The following APBB2 variants were observed in gnomAD, a reference collection of about 807,000 sequenced individuals.
APBB2 encodes the protein amyloid beta precursor protein binding family B member 2, also known as Fe65-like 1.
APBB2 carries 38 observed loss-of-function variants against 82.5 expected under a neutral mutation model. The observed-to-expected ratio is 0.46, with a 90% confidence interval of 0.36 to 0.60. The LOEUF is 0.60. Ranked by LOEUF, APBB2 falls within the 20% of genes least tolerant of loss-of-function variation. The pLI is 0.00. For synonymous variants in APBB2, 341 were observed against 368.2 expected, an observed-to-expected ratio of 0.93 and a Z score of 0.85; for missense variants, 772 against 972.3, an observed-to-expected ratio of 0.79 and a Z score of 2.74.
chr4:41,001,764 G>T (rs1454951731), intron 6 of APBB2, among the ~76,000 whole-genome samples: 2 of 152,168 alleles, frequency 1.3e-5, no homozygotes, highest in Admixed American at 1.3e-4. Flanking sequence ...TGTAATTCCA[G>T]CTACTGGGGA....
At chr4:40,970,350 C>T (rs1219567637) in intron 6 of APBB2, among the ~76,000 whole-genome samples, 1 of 152,142 alleles carries the variant, frequency 6.6e-6, no homozygotes, top group African/African-American at 2.4e-5. Context: ...GCACTGCACT[C>T]GATGCCCCGT....
chr4:41,147,770 G>A (rs1214814926), intron 1 of APBB2, among the ~76,000 whole-genome samples: 1 of 151,974 alleles, frequency 6.6e-6, no homozygotes, highest in Admixed American at 6.6e-5. Context: ...AATGTCACAG[G>A]GAAGGTCTCT....
chr4:40,920,443 T>C (rs1319362754), intron 10 of APBB2, among the ~76,000 whole-genome samples: 1 of 152,152 alleles, frequency 6.6e-6, no homozygotes, highest in Non-Finnish European at 1.5e-5. Flanking sequence ...TACACAAAAC[T>C]GCATTTTCTC....
intron 10 of APBB2, among the ~76,000 whole-genome samples, chr4:40,911,340 A>C (rs1405610343): frequency 6.6e-6 from 1 of 152,120 alleles, no homozygotes; most frequent in African/African-American, 2.4e-5. Flanking sequence ...CTTATGTTCT[A>C]AGGAATGTTG....
chr4:40,904,202 G>A (rs999604958), intron 10 of APBB2, among the ~76,000 whole-genome samples: 1 of 151,990 alleles, frequency 6.6e-6, no homozygotes, highest in Admixed American at 6.6e-5. Flanking sequence ...AGGCTGAGGC[G>A]GGCAGATCAC....
chr4:40,842,690 C>T (rs1187061422), intron 12 of APBB2, among the ~76,000 whole-genome samples: 1 of 152,204 alleles, frequency 6.6e-6, no homozygotes, highest in Non-Finnish European at 1.5e-5. Context: ...TTGCAGTAAA[C>T]ACTGGCAGAG....
intron 5 of APBB2, among the ~76,000 whole-genome samples, chr4:41,031,688 C>A (rs1283929940): frequency 6.6e-6 from 1 of 152,054 alleles, no homozygotes; most frequent in East Asian, 1.9e-4. Context: ...ATACACTTGC[C>A]AGCTTTATTT....
At chr4:40,934,205 T>G (rs1784865956) in intron 10 of APBB2, among the ~76,000 whole-genome samples, 1 of 152,150 alleles carries the variant, frequency 6.6e-6, no homozygotes, top group Admixed American at 6.5e-5. Context: ...TAATGGTAAT[T>G]TATTACATTG....
chr4:41,187,553 T>C lies in APBB2; in HGVS notation c.-417+26852A>G, dbSNP rs117445951. Among the ~76,000 whole-genome samples the C allele has an allele frequency of 7.2e-3, 1,099 of 152,338 alleles. 13 individuals carry two copies. The highest frequency in any genetic ancestry group is 0.033 in the South Asian group (161 of 4,826). ...CCATCAAGTACAATTCATGTTACCC[T>C]GGACGACTGTTCAGCTCATCAGAGA... is the stretch of plus-strand genomic sequence containing the variant. On this transcript the variant is annotated intron_variant, in intron 1 of 17. Coordinates refer to ENST00000508593, the MANE Select transcript of APBB2 (RefSeq NM_004307.2).
chr4:40,822,061 C>A lies in APBB2; in HGVS notation c.1933-11G>T. On this transcript the variant is annotated splice_polypyrimidine_tract_variant and intron_variant, in intron 16 of 17. Coordinates refer to ENST00000508593, the MANE Select transcript of APBB2 (RefSeq NM_004307.2). ...GACTTCCTCTTCATTCTGCAAGAGA[C>A]ATTATGCGGCATCCAATCAGGAGAT... 1.2e-6 allele frequency: 2 copies of A among 1,613,262 alleles called. No individual in the cohort carries two copies. The highest frequency in any genetic ancestry group is 1.7e-6 in the Non-Finnish European group (2 of 1,179,280).
intron 2 of APBB2, among the ~76,000 whole-genome samples, chr4:41,112,078 G>A (rs972476233): frequency 3.3e-5 from 5 of 152,182 alleles, no homozygotes; most frequent in Non-Finnish European, 7.3e-5. Context: ...ACAGCAAGGT[G>A]AAATGAAATA....
chr4:40,976,041 CTTCT>C (rs750269921), intron 6 of APBB2, among the ~76,000 whole-genome samples: 1 of 151,514 alleles, frequency 6.6e-6, no homozygotes, highest in Non-Finnish European at 1.5e-5. Context: ...AATTTTTATC[CTTCT>C]TTCTGGCCAA....
intron 6 of APBB2, among the ~76,000 whole-genome samples, chr4:41,003,869 T>C (rs570990171): frequency 2.0e-5 from 3 of 152,236 alleles, no homozygotes; most frequent in Admixed American, 6.5e-5. Context: ...CCTGCCACCA[T>C]GTCCAGCTAA....
rs1722146389 is a variant in APBB2, at chr4:41,043,111, C to T, written c.-50-9807G>A. 2.6e-5 allele frequency among the ~76,000 whole-genome samples: 4 copies of T among 152,110 alleles called. No homozygotes were observed. The South Asian group carries it at 8.3e-4, about 31-fold the overall frequency. ...CAGGCTGCATCTTTAGTCTCTACTG[C>T]TAACTGTTCATTCACAGCACATCAG... On this transcript the variant is annotated intron_variant, in intron 4 of 17. Coordinates refer to ENST00000508593, the MANE Select transcript of APBB2 (RefSeq NM_004307.2).
intron 2 of APBB2, among the ~76,000 whole-genome samples, chr4:41,110,119 T>A (rs1580118273): frequency 6.6e-6 from 1 of 152,122 alleles, no homozygotes; most frequent in South Asian, 2.1e-4. Context: ...ACAGCCCCCA[T>A]CCCTGCAGAA....
intron 10 of APBB2, among the ~76,000 whole-genome samples, chr4:40,898,224 GCAGA>G (rs1382379520): frequency 2.6e-5 from 4 of 152,176 alleles, no homozygotes; most frequent in African/African-American, 9.7e-5. Flanking sequence ...ATCATGCCTG[GCAGA>G]CAGTCAAAAC....
chr4:41,053,099 G>T (rs1726654491), intron 4 of APBB2, among the ~76,000 whole-genome samples: 1 of 152,036 alleles, frequency 6.6e-6, no homozygotes, highest in South Asian at 2.1e-4. Flanking sequence ...GGATACATAG[G>T]GTAACTGCAC....
At chr4:41,006,122 T>C (rs1393674095) in intron 6 of APBB2, among the ~76,000 whole-genome samples, 1 of 152,248 alleles carries the variant, frequency 6.6e-6, no homozygotes, top group African/African-American at 2.4e-5. Context: ...CTGGAACATA[T>C]ATTTTTGCAT....
At chr4:41,202,466 C>T (rs922453769) in intron 1 of APBB2, among the ~76,000 whole-genome samples, 3 of 152,078 alleles carry the variant, frequency 2.0e-5, no homozygotes, top group African/African-American at 7.2e-5. Context: ...TTACTCATTG[C>T]TAACAGGATA....
Sources: gnomAD v4.1 joint callset for allele counts (sites outside exome capture counted in the v4.1 genomes callset) on GRCh38, gnomAD v4.1.1 for gene constraint, MANE v1.5 for transcripts, NCBI Gene and HGNC (gene_info 2026-07-23, HGNC 2026-07-21) for gene names.